Variants in ATF1 observed in about 807,000 individuals in gnomAD.
ATF1 encodes the protein cyclic AMP-dependent transcription factor ATF-1.
Under a neutral mutation model 34.7 loss-of-function variants are expected in ATF1, and 16 were observed. The ratio of observed to expected loss-of-function variants is 0.46; its 90% confidence interval spans 0.31 to 0.70. The LOEUF (loss-of-function observed/expected upper bound fraction) is 0.70. Among genes scored for constraint, ATF1 ranks in the 30% least tolerant of loss-of-function variants. The probability of loss-of-function intolerance (pLI) is 0.05; values close to 1 mark genes in which losing one functional copy is unlikely to be tolerated. For synonymous variants in ATF1, 105 were observed against 113.1 expected, an observed-to-expected ratio of 0.93 and a Z score of 0.46; for missense variants, 255 against 321.6, an observed-to-expected ratio of 0.79 and a Z score of 1.58.
chr12:50,767,012 C>T (rs1940653132), intron 1 of ATF1, among the ~76,000 whole-genome samples: 4 of 152,104 alleles, frequency 2.6e-5, no homozygotes, highest in Admixed American at 6.6e-5. Flanking sequence ...TTTTATCACA[C>T]GTATTTTGCT....
chr12:50,764,002 C>G (rs1460781423), upstream of ATF1: 3 of 152,400 alleles, frequency 2.0e-5, no homozygotes, highest in African/African-American at 7.2e-5. Context: ...GCGGAGGCAG[C>G]GCCATAGCCT....
intron 2 of ATF1, among the ~76,000 whole-genome samples, chr12:50,792,320 G>A (rs1941322623): frequency 6.6e-6 from 1 of 152,198 alleles, no homozygotes; most frequent in Non-Finnish European, 1.5e-5. Context: ...TCTGAAATGT[G>A]TTTCCAGTGT....
intron 1 of ATF1, among the ~76,000 whole-genome samples, chr12:50,778,930 C>T (rs1052451925): frequency 1.3e-5 from 2 of 152,160 alleles, no homozygotes; most frequent in Non-Finnish European, 2.9e-5. Flanking sequence ...TGCTCCTTCC[C>T]TTAGTCCCTG....
intron 6 of ATF1, among the ~76,000 whole-genome samples, chr12:50,815,359 C>G (rs1941822432): frequency 1.3e-5 from 2 of 151,588 alleles, no homozygotes; most frequent in Admixed American, 1.3e-4. Flanking sequence ...CAAAAAAGTT[C>G]AAAAAGTAGA....
intron 4 of ATF1, among the ~76,000 whole-genome samples, chr12:50,810,548 G>A (rs1480699338): frequency 6.6e-6 from 1 of 152,118 alleles, no homozygotes. Context: ...AATATTTATT[G>A]TTTGATTTAT....
Position 50,764,300 on chromosome 12 carries a change from A to G in ATF1, c.-14A>G, listed in dbSNP as rs1199106906. Reference sequence around the variant, plus strand: ...CCGCCCCGGAGAGCGGCGAGGCGGCAGCCACAGGTAAGTGGGGGGCGGGGA... The same window carrying G: ...CCGCCCCGGAGAGCGGCGAGGCGGCGGCCACAGGTAAGTGGGGGGCGGGGA... On this transcript the variant is annotated 5_prime_UTR_variant, in exon 1 of 7. Transcript: ENST00000262053. 1 of 151,912 alleles carries G rather than the reference A, an allele frequency of 6.6e-6. No individual in the cohort carries two copies. The highest frequency in any genetic ancestry group is 2.4e-5 in the African/African-American group (1 of 41,350). The allele number at this position is 151,912 out of a possible 1,614,324, so 9.4% of individuals were successfully genotyped here.
At chr12:50,796,071 G>A in intron 3 of ATF1, 62 bp downstream of exon 3, 1 of 1,366,518 alleles carries the variant, frequency 7.3e-7, no homozygotes, top group Non-Finnish European at 1.0e-6. Flanking sequence ...TTCAAGAGGT[G>A]CTGTGCAAAG....
At chr12:50,769,701 T>G (rs1472174756) in intron 1 of ATF1, among the ~76,000 whole-genome samples, 1 of 152,258 alleles carries the variant, frequency 6.6e-6, no homozygotes, top group African/African-American at 2.4e-5. Context: ...GCCACAGAAG[T>G]AACCAAATTT....
At chr12:50,790,917 G>T (rs1309187563) in intron 2 of ATF1, among the ~76,000 whole-genome samples, 1 of 152,044 alleles carries the variant, frequency 6.6e-6, no homozygotes, top group African/African-American at 2.4e-5. Flanking sequence ...ATAACAGCAA[G>T]TTTTCTAAAA....
In ATF1 at chr12:50,820,334, C is replaced by T. The variant is rs1320509945; in HGVS notation, c.*555C>T. ...GGGTTTTTAAAAGTTTGTTATTGGA[C>T]TTGAATGGATTTTTGAGACTAGGTT... On this transcript the variant is annotated 3_prime_UTR_variant, in exon 7 of 7. Transcript: ENST00000262053. The T allele has an allele frequency of 1.1e-5, 2 of 189,714 alleles. No individual in the cohort carries two copies. Among genetic ancestry groups the T allele is most frequent in the Admixed American group, 6.2e-5 (1 of 16,244 alleles). The allele number at this position is 189,714 out of a possible 1,614,324, so 11.8% of individuals were successfully genotyped here. A position where few individuals can be genotyped will look rare whatever the true frequency, so the allele number is the denominator to read the frequency against.
chr12:50,771,226 G>C (rs1436492094), intron 1 of ATF1, among the ~76,000 whole-genome samples: 1 of 151,966 alleles, frequency 6.6e-6, no homozygotes, highest in Admixed American at 6.6e-5. Flanking sequence ...GGCTGGCCTC[G>C]AACTCCTGAC....
At chr12:50,764,489 C>A (rs966741945) in intron 1 of ATF1, 182 bp downstream of exon 1, 38 of 152,118 alleles carry the variant, frequency 2.5e-4, no homozygotes, top group African/African-American at 8.4e-4. Flanking sequence ...CTCCGCGCCT[C>A]GGTGCAGAGC....
chr12:50,809,995 G>A (rs1377255988), intron 4 of ATF1, among the ~76,000 whole-genome samples: 5 of 151,750 alleles, frequency 3.3e-5, no homozygotes, highest in East Asian at 1.9e-4. Context: ...CACCACGCCC[G>A]GCTAATTTTT....
chr12:50,815,446 C>T (rs1408544586), intron 6 of ATF1, among the ~76,000 whole-genome samples: 2 of 152,008 alleles, frequency 1.3e-5, no homozygotes, highest in Non-Finnish European at 2.9e-5. Context: ...AGTGCAGTGG[C>T]ACAATCTTGG....
intron 2 of ATF1, among the ~76,000 whole-genome samples, chr12:50,782,380 C>T (rs186050519): frequency 0.018 from 2,732 of 151,804 alleles, 89 homozygotes; most frequent in African/African-American, 0.063. Context: ...CTCAGCCTCC[C>T]GAGTAGCTGG....
chr12:50,815,581 GT>G (rs2139698404), intron 6 of ATF1, among the ~76,000 whole-genome samples: 1 of 151,626 alleles, frequency 6.6e-6, no homozygotes, highest in South Asian at 2.1e-4. Flanking sequence ...TAGAGGTGGG[GT>G]TTTGCCATGT....
intron 2 of ATF1, among the ~76,000 whole-genome samples, chr12:50,788,970 G>A (rs1326333280): frequency 6.6e-6 from 1 of 152,168 alleles, no homozygotes; most frequent in Non-Finnish European, 1.5e-5. Context: ...GCTGTGATGT[G>A]CCTTATGGAG....
At chr12:50,781,009 T>C (rs1490179792) in intron 2 of ATF1, among the ~76,000 whole-genome samples, 1 of 151,984 alleles carries the variant, frequency 6.6e-6, no homozygotes, top group South Asian at 2.1e-4. Flanking sequence ...CAAAAAAGAC[T>C]GTATAAAATG....
intron 2 of ATF1, chr12:50,788,170 A>G: frequency 2.2e-6 from 1 of 447,496 alleles, no homozygotes; most frequent in Non-Finnish European, 4.5e-6. Flanking sequence ...ATAAAAATTA[A>G]CTATTTTATA....
Sources: allele counts gnomAD v4.1 joint callset (sites outside exome capture counted in the v4.1 genomes callset), GRCh38; gene constraint gnomAD v4.1.1; transcripts MANE v1.5; gene names NCBI Gene and HGNC (gene_info 2026-07-23, HGNC 2026-07-21).